Variants in MITF observed in about 807,000 individuals in gnomAD.
MITF encodes the protein microphthalmia-associated transcription factor.
A neutral mutation model predicts 60.5 loss-of-function variants in MITF; 17 were observed. The observed-to-expected ratio is 0.28, with a 90% CI of 0.19 to 0.42. The LOEUF (loss-of-function observed/expected upper bound fraction) is 0.42, where lower values mean the gene tolerates loss of function less well. Ranked by LOEUF, MITF falls within the 10% of genes least tolerant of loss-of-function variation. MITF has a pLI of 1.00. For missense variants in MITF, 622 were observed against 683.5 expected (o/e 0.91, Z 1.00); for synonymous variants, 260 against 248.5 (o/e 1.05, Z -0.43).
chr3:69,827,866 T>C (rs1162192918), intron 1 of MITF, among the ~76,000 whole-genome samples: 4 of 152,156 alleles, frequency 2.6e-5, no homozygotes, highest in African/African-American at 9.7e-5. Context: ...AAAAGTAAGC[T>C]TGGGCAGCAG....
chr3:69,839,375 ATTTTCT>A (rs1461562339), intron 1 of MITF, among the ~76,000 whole-genome samples: 1 of 128,550 alleles, frequency 7.8e-6, no homozygotes, highest in Non-Finnish European at 1.8e-5. Flanking sequence ...AAATCATGTG[ATTTTCT>A]TTTTTTTTTT....
At chr3:69,873,376 C>T (rs1050997647) in intron 1 of MITF, among the ~76,000 whole-genome samples, 1 of 152,114 alleles carries the variant, frequency 6.6e-6, no homozygotes, top group Non-Finnish European at 1.5e-5. Context: ...AAAAATATAG[C>T]CATTTACCAA....
At chr3:69,794,315 A>G (rs2062792610) in intron 1 of MITF, among the ~76,000 whole-genome samples, 1 of 152,180 alleles carries the variant, frequency 6.6e-6, no homozygotes, top group Non-Finnish European at 1.5e-5. Context: ...TATGTATGTG[A>G]ACAAAGCTGG....
intron 1 of MITF, among the ~76,000 whole-genome samples, chr3:69,765,796 G>A (rs541027221): frequency 2.4e-4 from 37 of 152,032 alleles, no homozygotes; most frequent in Non-Finnish European, 4.9e-4. Flanking sequence ...ATTCAGTCTC[G>A]GGAAAATTTG....
chr3:69,889,025 G>GTTTTTTTTTTTTTTTTTTTT (rs4057977), intron 2 of MITF, among the ~76,000 whole-genome samples: 3 of 58,816 alleles, frequency 5.1e-5, no homozygotes, highest in Non-Finnish European at 9.7e-5. Flanking sequence ...ATAGCCTTTG[G>GTTTTTTTTTTTTTTTTTTTT]TTTTTTTTTT....
chr3:69,891,491 T>C (rs2064758212), intron 2 of MITF, among the ~76,000 whole-genome samples: 1 of 152,204 alleles, frequency 6.6e-6, no homozygotes, highest in African/African-American at 2.4e-5. Flanking sequence ...AGATTCCCTG[T>C]GCCTATCCCA....
chr3:69,938,956 T>C, intron 3 of MITF, 142 bp from the exon 4 acceptor site: 1 of 1,526,592 alleles, frequency 6.6e-7, no homozygotes, highest in East Asian at 2.5e-5. Flanking sequence ...TCTTCCTTCA[T>C]TATTTCATCT....
At chr3:69,898,616 A>G (rs1363440635) in intron 2 of MITF, among the ~76,000 whole-genome samples, 1 of 152,224 alleles carries the variant, frequency 6.6e-6, no homozygotes, top group Non-Finnish European at 1.5e-5. Flanking sequence ...AGCCAGTAGG[A>G]CAGAGGGGGA....
intron 1 of MITF, among the ~76,000 whole-genome samples, chr3:69,758,196 G>T (rs182913779): frequency 2.6e-5 from 4 of 151,294 alleles, no homozygotes; most frequent in Non-Finnish European, 2.9e-5. Context: ...TTAAGACAGG[G>T]TCTCACTCCA....
intron 1 of MITF, among the ~76,000 whole-genome samples, chr3:69,799,676 T>C (rs986683161): frequency 6.6e-6 from 1 of 152,154 alleles, no homozygotes; most frequent in Non-Finnish European, 1.5e-5. Flanking sequence ...AATCTACTGT[T>C]TTTTGTTTGT....
chr3:69,857,524 G>GTT (rs568982379), intron 1 of MITF, among the ~76,000 whole-genome samples: 1 of 143,954 alleles, frequency 6.9e-6, no homozygotes, highest in African/African-American at 2.5e-5. Context: ...TGATCTCATG[G>GTT]TTTTTTTTTT....
chr3:69,909,350 T>G (rs1306893173), intron 2 of MITF, among the ~76,000 whole-genome samples: 1 of 152,192 alleles, frequency 6.6e-6, no homozygotes, highest in Non-Finnish European at 1.5e-5. Flanking sequence ...TTCCTCCCAG[T>G]CTCAGGTAAG....
chr3:69,936,778 T>C (rs1191035102), intron 2 of MITF: 1 of 1,606,932 alleles, frequency 6.2e-7, no homozygotes, highest in East Asian at 2.2e-5. Flanking sequence ...CTGACTCATA[T>C]TCAGTCTTTG....
chr3:69,753,155 C>T (rs1251899708), intron 1 of MITF, among the ~76,000 whole-genome samples: 1 of 152,216 alleles, frequency 6.6e-6, no homozygotes, highest in Non-Finnish European at 1.5e-5. Flanking sequence ...TCTCCACATC[C>T]TAGTTGCTCC....
At chr3:69,956,662 A>G in intron 8 of MITF, 132 bp downstream of exon 8, 2 of 749,606 alleles carry the variant, frequency 2.7e-6, no homozygotes, top group Non-Finnish European at 4.7e-6. Context: ...CTATTCCTAA[A>G]TTCTTCTTAC....
intron 1 of MITF, among the ~76,000 whole-genome samples, chr3:69,815,841 G>C (rs1197562700): frequency 6.6e-6 from 1 of 152,176 alleles, no homozygotes; most frequent in Non-Finnish European, 1.5e-5. Context: ...GTTGAATTTT[G>C]TTCTGGAAAG....
chr3:69,937,792 GTTTTC>G, intron 2 of MITF, 25 bp from the exon 3 acceptor site: 1 of 1,597,744 alleles, frequency 6.3e-7, no homozygotes, highest in South Asian at 1.1e-5. Context: ...TAACAGCGCT[GTTTTC>G]TTTTCCCTCC....
At chr3:69,940,025 T>A (rs999450638) in intron 4 of MITF, among the ~76,000 whole-genome samples, 1 of 152,186 alleles carries the variant, frequency 6.6e-6, no homozygotes, top group Admixed American at 6.5e-5. Context: ...TGGCCAATTA[T>A]TCTTTTTAGG....
intron 1 of MITF, among the ~76,000 whole-genome samples, chr3:69,830,348 C>T (rs558108500): frequency 2.6e-5 from 4 of 152,266 alleles, no homozygotes; most frequent in South Asian, 2.1e-4. Flanking sequence ...TGGGTGTGTA[C>T]TTCCTGGAAA....
Sources: allele counts gnomAD v4.1 joint callset (sites outside exome capture counted in the v4.1 genomes callset), GRCh38; gene constraint gnomAD v4.1.1; transcripts MANE v1.5; gene names NCBI Gene and HGNC (gene_info 2026-07-23, HGNC 2026-07-21).